The following GNAL variants were observed in gnomAD, a reference collection of about 807,000 sequenced individuals.
The protein encoded by GNAL is guanine nucleotide-binding protein G(olf) subunit alpha.
Under a neutral mutation model 55.1 loss-of-function variants are expected in GNAL, and 18 were observed. The ratio of observed to expected loss-of-function variants is 0.33; its 90% confidence interval spans 0.23 to 0.48. The LOEUF is 0.48. GNAL is among the 20% of genes least tolerant of loss of function. The pLI, the probability that GNAL is intolerant of heterozygous loss-of-function variation, is 0.99. For synonymous variants in GNAL, 253 were observed against 237.0 expected (o/e 1.07, Z -0.62); for missense variants, 412 against 614.1 (o/e 0.67, Z 3.48).
At chr18:11,691,927 A>G (rs528411758) in intron 1 of GNAL, among the ~76,000 whole-genome samples, 1 of 152,298 alleles carries the variant, frequency 6.6e-6, no homozygotes, top group South Asian at 2.1e-4. Flanking sequence ...TTGCTCTCCT[A>G]GTAGTATTTT....
rs1369350474 is a variant in GNAL, at chr18:11,715,157, A to G, written c.376+25218A>G. 4.9e-5 allele frequency among the ~76,000 whole-genome samples: 7 copies of G among 141,986 alleles called. No individual in the cohort carries two copies. The South Asian group carries it at 8.4e-4, about 17-fold the overall frequency. 93.1% of individuals were successfully genotyped at this position (141,986 alleles called of 152,430 possible). ...GAGATCCTGTCTCAAAAAAAAAAAG[A>G]AAGAAAAGAAAAGATAACAAGGCCG... On this transcript the variant is annotated intron_variant, in intron 1 of 11. Coordinates refer to ENST00000334049, the MANE Select transcript of GNAL (RefSeq NM_182978.4).
At chr18:11,796,329 G>A (rs1379732712) in intron 4 of GNAL, among the ~76,000 whole-genome samples, 1 of 152,078 alleles carries the variant, frequency 6.6e-6, no homozygotes, top group Non-Finnish European at 1.5e-5. Flanking sequence ...TGTAATCCCA[G>A]CACTTTGGGA....
intron 5 of GNAL, chr18:11,852,247 C>A (rs986684549): frequency 2.9e-6 from 3 of 1,032,394 alleles, no homozygotes; most frequent in African/African-American, 1.6e-5. Context: ...GGGTTTACAG[C>A]CCCCTCCACA....
At chr18:11,715,144 CAA>C (rs370865689) in intron 1 of GNAL, among the ~76,000 whole-genome samples, 3 of 141,140 alleles carry the variant, frequency 2.1e-5, no homozygotes, top group African/African-American at 2.5e-5. Context: ...GATCCTGTCT[CAA>C]AAAAAAAAAG....
Position 11,755,419 on chromosome 18 carries a change from G to T in GNAL, c.624+1474G>T, listed in dbSNP as rs1029670120. ...CTCCCTAGTAGCTGGGACTACAGGCGCCCGCCACCTCACCCGGCTAATGTT... is the reference window on the plus strand; with the variant it reads ...CTCCCTAGTAGCTGGGACTACAGGCTCCCGCCACCTCACCCGGCTAATGTT... On this transcript the variant is annotated intron_variant, in intron 4 of 11. Coordinates refer to ENST00000334049, the MANE Select transcript of GNAL (RefSeq NM_182978.4). 3.3e-5 allele frequency among the ~76,000 whole-genome samples: 5 copies of T among 151,958 alleles called. No individual in the cohort carries two copies. The South Asian group carries it at 8.3e-4, about 25-fold the overall frequency.
At chr18:11,876,538 C>T (rs981362966) in intron 10 of GNAL, 83 bp from the exon 11 acceptor site, 64 of 849,120 alleles carry the variant, frequency 7.5e-5, no homozygotes, top group African/African-American at 1.5e-4. Context: ...AGCAGTCTAA[C>T]GTTGAAATTC....
chr18:11,864,461 A>G (rs1033681351), intron 6 of GNAL, 72 bp from the exon 7 acceptor site: 4 of 811,796 alleles, frequency 4.9e-6, no homozygotes, highest in Non-Finnish European at 8.9e-6. Context: ...GATGAGGTAT[A>G]GTTATACCCG....
chr18:11,749,102 G>A (rs1273482570), intron 1 of GNAL, among the ~76,000 whole-genome samples: 2 of 146,332 alleles, frequency 1.4e-5, no homozygotes, highest in Non-Finnish European at 1.5e-5. Flanking sequence ...CTCCAGCCTG[G>A]GCAACAGAGC....
intron 1 of GNAL, among the ~76,000 whole-genome samples, chr18:11,704,276 A>G (rs930785666): frequency 2.0e-5 from 3 of 152,204 alleles, no homozygotes; most frequent in Non-Finnish European, 4.4e-5. Flanking sequence ...ACCCTAGGAC[A>G]CAGCCTGGAT....
intron 5 of GNAL, chr18:11,857,539 T>G: frequency 1.0e-6 from 1 of 985,244 alleles, no homozygotes; most frequent in Non-Finnish European, 1.2e-6. Flanking sequence ...GCAGGAGTCA[T>G]GAGAAATGAT....
intron 11 of GNAL, among the ~76,000 whole-genome samples, chr18:11,880,595 A>G (rs765545105): frequency 2.6e-5 from 4 of 152,180 alleles, no homozygotes; most frequent in African/African-American, 7.2e-5. Flanking sequence ...AAATAAACAA[A>G]CAAAATAAAA....
At chr18:11,727,605 TATTGAGCCAA>T (rs2032242997) in intron 1 of GNAL, among the ~76,000 whole-genome samples, 3 of 152,242 alleles carry the variant, frequency 2.0e-5, no homozygotes, top group Non-Finnish European at 1.5e-5. Context: ...TGGAGGCATT[TATTGAGCCAA>T]TTGTATAAGG....
At chr18:11,847,664 A>C (rs183791139) in intron 5 of GNAL, among the ~76,000 whole-genome samples, 1 of 152,122 alleles carries the variant, frequency 6.6e-6, no homozygotes, top group South Asian at 2.1e-4. Context: ...AAATTTGGCT[A>C]TGGGACTTGC....
chr18:11,872,841 C>T (rs541583951), intron 10 of GNAL, among the ~76,000 whole-genome samples: 15 of 152,322 alleles, frequency 9.8e-5, no homozygotes, highest in South Asian at 6.2e-4. Context: ...CAAAGCCACA[C>T]GGGTAGAGTC....
intron 4 of GNAL, among the ~76,000 whole-genome samples, chr18:11,764,502 T>C (rs2033344531): frequency 6.6e-6 from 1 of 152,234 alleles, no homozygotes; most frequent in Non-Finnish European, 1.5e-5. Flanking sequence ...CTCAATCTTT[T>C]GACTTTCTAA....
chr18:11,819,451 T>TA (rs886404014), intron 4 of GNAL, among the ~76,000 whole-genome samples: 1 of 152,094 alleles, frequency 6.6e-6, no homozygotes, highest in Non-Finnish European at 1.5e-5. Context: ...GCCTTGCTTT[T>TA]AAAAAATAGG....
chr18:11,845,263 T>A (rs373313028), intron 5 of GNAL, among the ~76,000 whole-genome samples: 28 of 152,332 alleles, frequency 1.8e-4, no homozygotes, highest in Admixed American at 5.2e-4. Flanking sequence ...AGGTGGGATT[T>A]GTACCGTATT....
chr18:11,848,769 T>TTA (rs551965055), intron 5 of GNAL, among the ~76,000 whole-genome samples: 93 of 152,220 alleles, frequency 6.1e-4, no homozygotes, highest in Middle Eastern at 6.8e-3. Context: ...CAACCACACT[T>TTA]TATAAAGTTC....
At chr18:11,825,171 T>G (rs903892937) in intron 5 of GNAL, among the ~76,000 whole-genome samples, 156 bp downstream of exon 5, 6 of 152,188 alleles carry the variant, frequency 3.9e-5, no homozygotes, top group Non-Finnish European at 5.9e-5. Flanking sequence ...ACATGTTTAG[T>G]AGATGGAAAA....
Sources: allele counts gnomAD v4.1 joint callset (sites outside exome capture counted in the v4.1 genomes callset), GRCh38; gene constraint gnomAD v4.1.1; transcripts MANE v1.5; gene names NCBI Gene and HGNC (gene_info 2026-07-23, HGNC 2026-07-21).